Variants in WWOX observed in about 807,000 individuals in gnomAD.
WWOX encodes the protein WW domain-containing oxidoreductase.
A neutral mutation model predicts 46.2 loss-of-function variants in WWOX; 69 were observed. The ratio of observed to expected loss-of-function variants is 1.49; its 90% CI spans 1.23 to 1.82. The LOEUF (loss-of-function observed/expected upper bound fraction) is 1.82, where lower values mean the gene tolerates loss of function less well. Among genes scored for constraint, WWOX ranks in the 40% most tolerant of loss-of-function variants. The pLI, the probability that WWOX is intolerant of heterozygous loss-of-function variation, is 0.00. For synonymous variants in WWOX, 359 were observed against 202.6 expected, an observed-to-expected ratio of 1.77 and a Z score of -6.56; for missense variants, 919 against 542.6, an observed-to-expected ratio of 1.69 and a Z score of -6.89.
intron 8 of WWOX, among the ~76,000 whole-genome samples, chr16:78,637,907 C>T (rs989428190): frequency 6.6e-6 from 1 of 152,130 alleles, no homozygotes; most frequent in African/African-American, 2.4e-5. Context: ...CCCTTCCTTG[C>T]AGGGTCCGTC....
rs531836638 is a variant in WWOX, at chr16:78,639,699, G to T, written c.1056+206947G>T. Among the ~76,000 whole-genome samples, 8 of 152,220 alleles carry T rather than the reference G, an allele frequency of 5.3e-5. No homozygotes were observed. The South Asian group carries it at 1.7e-3, about 32-fold the overall frequency. On this transcript the variant is annotated intron_variant, in intron 8 of 8. Coordinates refer to ENST00000566780, the MANE Select transcript of WWOX (RefSeq NM_016373.4). ...CTGCCTCAGCCTCTGGAGTAGCTGG[G>T]ATTACAGGTGCCCGCCACCACGCCC...
chr16:78,639,271 G>T (rs1197969804), intron 8 of WWOX, among the ~76,000 whole-genome samples: 1 of 152,154 alleles, frequency 6.6e-6, no homozygotes, highest in Non-Finnish European at 1.5e-5. Context: ...CCCAGGCATC[G>T]ATGACACACG....
chr16:78,566,098 C>A (rs1353886865), intron 8 of WWOX, among the ~76,000 whole-genome samples: 1 of 152,138 alleles, frequency 6.6e-6, no homozygotes, highest in Non-Finnish European at 1.5e-5. Context: ...CTTTCTGGTT[C>A]CCAGATGGAT....
chr16:78,999,124 C>A (rs752899693), intron 8 of WWOX, among the ~76,000 whole-genome samples: 13 of 151,492 alleles, frequency 8.6e-5, no homozygotes, highest in Non-Finnish European at 1.8e-4. Flanking sequence ...AAGAACCCAG[C>A]GCCAGTGGCT....
intron 8 of WWOX, among the ~76,000 whole-genome samples, chr16:78,736,785 T>G (rs570472744): frequency 6.6e-6 from 1 of 152,046 alleles, no homozygotes; most frequent in African/African-American, 2.4e-5. Context: ...TTTTTAAAAA[T>G]TTTTTTAGAC....
chr16:78,900,811 TAAATA>T (rs1310056119), intron 8 of WWOX, among the ~76,000 whole-genome samples: 1 of 149,944 alleles, frequency 6.7e-6, no homozygotes, highest in Admixed American at 6.7e-5. Flanking sequence ...TGAAGGATAT[TAAATA>T]AAATTGTACT....
At chr16:78,175,001 A>ATAATAATAT (rs1193788108) in intron 5 of WWOX, among the ~76,000 whole-genome samples, 5 of 132,818 alleles carry the variant, frequency 3.8e-5, no homozygotes. Flanking sequence ...AATAATAGTA[A>ATAATAATAT]TAATAATAAT....
At chr16:79,207,857 G>T (rs403632) in intron 8 of WWOX, among the ~76,000 whole-genome samples, 108,014 of 151,860 alleles carry the variant, frequency 0.71, 39,534 homozygotes, top group Non-Finnish European at 0.8. Flanking sequence ...GAGTCAATAT[G>T]CATTTGTATT....
intron 5 of WWOX, among the ~76,000 whole-genome samples, chr16:78,303,856 C>G (rs967365302): frequency 4.6e-5 from 7 of 152,154 alleles, no homozygotes; most frequent in African/African-American, 1.2e-4. Flanking sequence ...GACCCGTGCT[C>G]TTTCTCCCAC....
intron 8 of WWOX, among the ~76,000 whole-genome samples, chr16:79,154,503 CAAA>C (rs67379862): frequency 1.7e-4 from 15 of 88,136 alleles, no homozygotes; most frequent in Admixed American, 6.6e-4. Flanking sequence ...TCCTCTTTTG[CAAA>C]AAAAAAAAAA....
intron 5 of WWOX, among the ~76,000 whole-genome samples, chr16:78,236,612 G>C (rs1203870780): frequency 6.6e-6 from 1 of 152,180 alleles, no homozygotes; most frequent in Non-Finnish European, 1.5e-5. Context: ...TTTGTCTAAT[G>C]TGTTAGTGCA....
intron 6 of WWOX, among the ~76,000 whole-genome samples, chr16:78,403,118 G>T (rs2082451156): frequency 6.6e-6 from 1 of 152,154 alleles, no homozygotes; most frequent in Admixed American, 6.5e-5. Flanking sequence ...AGTCGTCATT[G>T]GCAAGGGAGA....
At chr16:78,606,679 C>A (rs75867215) in intron 8 of WWOX, among the ~76,000 whole-genome samples, 1 of 149,642 alleles carries the variant, frequency 6.7e-6, no homozygotes. Flanking sequence ...GAAGCCAGCC[C>A]GATTAGGACG....
At chr16:78,451,611 G>A (rs921272557) in intron 8 of WWOX, among the ~76,000 whole-genome samples, 1 of 152,178 alleles carries the variant, frequency 6.6e-6, no homozygotes, top group African/African-American at 2.4e-5. Context: ...GTAAAATGGG[G>A]AAAGTAGCTC....
chr16:78,795,588 A>G (rs1423231943), intron 8 of WWOX, among the ~76,000 whole-genome samples: 1 of 152,252 alleles, frequency 6.6e-6, no homozygotes, highest in Non-Finnish European at 1.5e-5. Flanking sequence ...TTTCTGGGAC[A>G]GTGCTTTCTT....
intron 8 of WWOX, among the ~76,000 whole-genome samples, chr16:78,831,722 G>C (rs1344157072): frequency 6.6e-6 from 1 of 152,122 alleles, no homozygotes; most frequent in Non-Finnish European, 1.5e-5. Flanking sequence ...ATAATCCCTG[G>C]TATTCAATAA....
chr16:78,176,976 T>G (rs1284444469), intron 5 of WWOX, among the ~76,000 whole-genome samples: 1 of 152,120 alleles, frequency 6.6e-6, no homozygotes, highest in Non-Finnish European at 1.5e-5. Flanking sequence ...GCAGCATCAG[T>G]GTCACTTGAG....
Position 79,079,350 on chromosome 16 carries a change from CA to C in WWOX, c.1057-132249del, listed in dbSNP as rs113977550. On this transcript the variant is annotated intron_variant, in intron 8 of 8. Transcript: ENST00000566780. ...TCTTTTTTTCTTGGGTTCCCCCCGACAAAAAAAAATATGACAGAAGTGTCAC... is the reference window on the plus strand; with the variant it reads ...TCTTTTTTTCTTGGGTTCCCCCCGACAAAAAAAATATGACAGAAGTGTCAC... Among the ~76,000 whole-genome samples, 552 of 151,038 alleles carry C rather than the reference CA, an allele frequency of 3.7e-3. 3 individuals carry two copies. The highest frequency in any genetic ancestry group is 0.012 in the African/African-American group (486 of 41,288).
At chr16:78,626,477 G>T (rs1428151081) in intron 8 of WWOX, among the ~76,000 whole-genome samples, 6 of 152,116 alleles carry the variant, frequency 3.9e-5, no homozygotes, top group Non-Finnish European at 8.8e-5. Flanking sequence ...GAGTTTACTG[G>T]AGTTAATGAA....
Sources: allele counts gnomAD v4.1 joint callset (sites outside exome capture counted in the v4.1 genomes callset), GRCh38; gene constraint gnomAD v4.1.1; transcripts MANE v1.5; gene names NCBI Gene and HGNC (gene_info 2026-07-23, HGNC 2026-07-21).